Variants in NALF1 observed in about 807,000 individuals in gnomAD.
NALF1 encodes family with sequence similarity 155 member A.
Under a neutral mutation model 48.4 loss-of-function variants are expected in NALF1, and 3 were observed. The ratio of observed to expected loss-of-function variants is 0.06; its 90% CI spans 0.03 to 0.16. NALF1 has a LOEUF of 0.16. Among genes scored for constraint, NALF1 ranks in the 10% least tolerant of loss-of-function variants. The probability of loss-of-function intolerance (pLI) is 1.00; values close to 1 mark genes in which losing one functional copy is unlikely to be tolerated. For synonymous variants in NALF1, 262 were observed against 245.7 expected, an observed-to-expected ratio of 1.07 and a Z score of -0.62; for missense variants, 526 against 571.5, an observed-to-expected ratio of 0.92 and a Z score of 0.81.
chr13:107,171,099 C>CAA (rs1878795217), intron 2 of NALF1, among the ~76,000 whole-genome samples: 1 of 152,210 alleles, frequency 6.6e-6, no homozygotes. Flanking sequence ...ACTTGGATAT[C>CAA]AAGTACATGC....
intron 1 of NALF1, among the ~76,000 whole-genome samples, chr13:107,284,841 C>T (rs950099476): frequency 1.2e-4 from 19 of 152,110 alleles, no homozygotes; most frequent in African/African-American, 4.3e-4. Flanking sequence ...CTGGAGCCTT[C>T]GTCTTGGATC....
intron 2 of NALF1, among the ~76,000 whole-genome samples, chr13:107,202,613 GTCT>G (rs1879544553): frequency 6.6e-6 from 1 of 152,208 alleles, no homozygotes; most frequent in South Asian, 2.1e-4. Flanking sequence ...GACCTAGACA[GTCT>G]TCTTTTCTTT....
intron 1 of NALF1, chr13:107,835,416 G>A (rs2138630697): frequency 6.6e-6 from 1 of 152,182 alleles, no homozygotes; most frequent in African/African-American, 2.4e-5. Context: ...ACTAATAAAA[G>A]AGCCATCAGT....
intron 1 of NALF1, among the ~76,000 whole-genome samples, chr13:107,808,168 A>G (rs1207418231): frequency 6.6e-6 from 1 of 152,054 alleles, no homozygotes; most frequent in Non-Finnish European, 1.5e-5. Context: ...ACAGAAGTAT[A>G]TATATTTTTG....
intron 2 of NALF1, among the ~76,000 whole-genome samples, chr13:107,184,678 G>A (rs1158717638): frequency 2.0e-5 from 3 of 152,052 alleles, no homozygotes; most frequent in Non-Finnish European, 4.4e-5. Context: ...CTAGTTTAAA[G>A]GGCCTTTTTG....
intron 1 of NALF1, among the ~76,000 whole-genome samples, chr13:107,260,403 C>T (rs945021323): frequency 6.6e-6 from 1 of 152,188 alleles, no homozygotes; most frequent in Non-Finnish European, 1.5e-5. Context: ...AGTACTGTCA[C>T]ATTTTGAAAG....
At chr13:107,778,215 G>A (rs1181724700) in intron 1 of NALF1, among the ~76,000 whole-genome samples, 1 of 152,146 alleles carries the variant, frequency 6.6e-6, no homozygotes, top group Non-Finnish European at 1.5e-5. Flanking sequence ...CTGCATGAAT[G>A]GAATGACAGG....
intron 1 of NALF1, among the ~76,000 whole-genome samples, chr13:107,494,101 T>A (rs992951726): frequency 7.2e-6 from 1 of 138,632 alleles, no homozygotes; most frequent in Non-Finnish European, 1.5e-5. Flanking sequence ...GATTTGAGAC[T>A]CAATTGTTAG....
intron 1 of NALF1, among the ~76,000 whole-genome samples, chr13:107,310,006 A>C (rs529870269): frequency 6.6e-6 from 1 of 152,200 alleles, no homozygotes; most frequent in African/African-American, 2.4e-5. Context: ...CCAGATGCCA[A>C]TTCCACATGG....
intron 2 of NALF1, among the ~76,000 whole-genome samples, chr13:107,171,320 T>A (rs751804326): frequency 6.6e-5 from 10 of 152,212 alleles, no homozygotes; most frequent in Non-Finnish European, 1.5e-4. Flanking sequence ...CAGTGGGTGA[T>A]CGGGTCATTT....
At chr13:107,545,817 A>G (rs1877122173) in intron 1 of NALF1, among the ~76,000 whole-genome samples, 1 of 151,914 alleles carries the variant, frequency 6.6e-6, no homozygotes, top group African/African-American at 2.4e-5. Flanking sequence ...TCTATGTATG[A>G]CTCTCTTCCT....
At chr13:107,499,797 G>A (rs1280748723) in intron 1 of NALF1, among the ~76,000 whole-genome samples, 1 of 151,738 alleles carries the variant, frequency 6.6e-6, no homozygotes, top group South Asian at 2.1e-4. Context: ...AGTACGTATT[G>A]TCTCTTTTTC....
chr13:107,524,722 C>T (rs75415994), intron 1 of NALF1, among the ~76,000 whole-genome samples: 1,902 of 152,132 alleles, frequency 0.013, 23 homozygotes, highest in Middle Eastern at 0.037. Flanking sequence ...TTAGGGAAAA[C>T]GAATAAGATG....
chr13:107,796,022 T>C (rs1371490187), intron 1 of NALF1, among the ~76,000 whole-genome samples: 2 of 152,196 alleles, frequency 1.3e-5, no homozygotes, highest in Admixed American at 6.5e-5. Flanking sequence ...GAGTGTCTTA[T>C]TGTAGTCCTA....
intron 1 of NALF1, among the ~76,000 whole-genome samples, chr13:107,411,489 A>T (rs1206294588): frequency 6.6e-6 from 1 of 151,988 alleles, no homozygotes; most frequent in Non-Finnish European, 1.5e-5. Flanking sequence ...GCAGTCTTAA[A>T]CTGACTTGAA....
intron 1 of NALF1, among the ~76,000 whole-genome samples, chr13:107,679,761 G>A (rs1881229952): frequency 6.6e-6 from 1 of 152,132 alleles, no homozygotes; most frequent in South Asian, 2.1e-4. Context: ...CCTCTAGGGG[G>A]AAAAGATGGA....
intron 1 of NALF1, among the ~76,000 whole-genome samples, chr13:107,725,388 A>G (rs1876117951): frequency 6.6e-6 from 1 of 152,190 alleles, no homozygotes; most frequent in Admixed American, 6.5e-5. Flanking sequence ...TATTCTTGCC[A>G]AGATGGACAA....
intron 1 of NALF1, among the ~76,000 whole-genome samples, chr13:107,800,017 G>A (rs572641229): frequency 2.7e-4 from 41 of 152,228 alleles, no homozygotes; most frequent in Admixed American, 6.5e-4. Flanking sequence ...AAGAAAGGGC[G>A]GAGAGGGAGG....
intron 1 of NALF1, among the ~76,000 whole-genome samples, chr13:107,339,938 TTTTA>T (rs1452063573): frequency 6.6e-6 from 1 of 152,222 alleles, no homozygotes; most frequent in Non-Finnish European, 1.5e-5. Flanking sequence ...CCACTATAAA[TTTTA>T]TTTAAAAAAT....
Sources: allele counts gnomAD v4.1 joint callset (sites outside exome capture counted in the v4.1 genomes callset), GRCh38; gene constraint gnomAD v4.1.1; transcripts MANE v1.5; gene names NCBI Gene and HGNC (gene_info 2026-07-23, HGNC 2026-07-21).